The following SVIL variants were observed in gnomAD, a reference collection of about 807,000 sequenced individuals.
SVIL encodes the protein supervillin.
Under a neutral mutation model 240.4 loss-of-function variants are expected in SVIL, and 101 were observed. That is an observed-to-expected ratio of 0.42 (90% CI 0.36 to 0.50). The LOEUF (loss-of-function observed/expected upper bound fraction) is 0.50, where lower values mean the gene tolerates loss of function less well. SVIL is among the 20% of genes least tolerant of loss of function. SVIL has a pLI of 0.01. For missense variants in SVIL, 2,512 were observed against 2,818.7 expected (o/e 0.89, Z 2.46); for synonymous variants, 999 against 1,100.0 (o/e 0.91, Z 1.82).
At chr10:29,529,130 C>T (rs1312217014) in intron 12 of SVIL, among the ~76,000 whole-genome samples, 4 of 122,368 alleles carry the variant, frequency 3.3e-5, no homozygotes, top group Non-Finnish European at 6.3e-5. Context: ...GAGCCGAGAT[C>T]ATGCCACTGC....
At chr10:29,659,622 G>A (rs1668515810) in intron 2 of SVIL, among the ~76,000 whole-genome samples, 1 of 152,132 alleles carries the variant, frequency 6.6e-6, no homozygotes, top group African/African-American at 2.4e-5. Context: ...AAATCATCTT[G>A]TGATGGGTGC....
At chr10:29,679,779 C>A (rs1044354075) in intron 2 of SVIL, among the ~76,000 whole-genome samples, 2 of 151,890 alleles carry the variant, frequency 1.3e-5, no homozygotes, top group Non-Finnish European at 2.9e-5. Flanking sequence ...GTCAGGGATC[C>A]AGTTCCACCT....
At position 29,532,776 on chromosome 10, in the gene SVIL, T is replaced by C; in HGVS notation, c.1591A>G (p.Thr531Ala). 6.2e-7 allele frequency: 1 copy of C among 1,614,096 alleles called. No homozygotes were observed. The highest frequency in any genetic ancestry group is 8.5e-7 in the Non-Finnish European group (1 of 1,180,018). The part of the protein sequence containing the change: ...SEPVSQDAKP[T>A]GHNREASKKR... ...TTCGAGGCTTCCCTGTTGTGACCAG[T>C]TGGTTTGGCGTCTTGGGACACAGGC... Residue 531 changes from threonine to alanine, a missense_variant, in exon 8 of 38, where the codon ACT becomes GCT. Coordinates refer to ENST00000355867, the MANE Select transcript of SVIL (RefSeq NM_021738.3).
chr10:29,601,593 G>A (rs1956814577), intron 1 of SVIL, among the ~76,000 whole-genome samples: 1 of 152,200 alleles, frequency 6.6e-6, no homozygotes, highest in Admixed American at 6.5e-5. Context: ...CTGATGCAGA[G>A]AGAAACAGGT....
intron 6 of SVIL, among the ~76,000 whole-genome samples, chr10:29,541,003 T>TTTGTA (rs1952108460): frequency 6.6e-6 from 1 of 152,180 alleles, no homozygotes; most frequent in South Asian, 2.1e-4. Context: ...AAAATTTACT[T>TTTGTA]CAGGGGCCCA....
At chr10:29,588,344 C>G (rs1032691820) in intron 1 of SVIL, among the ~76,000 whole-genome samples, 1 of 151,896 alleles carries the variant, frequency 6.6e-6, no homozygotes, top group Non-Finnish European at 1.5e-5. Context: ...TCTGACACTT[C>G]GTCCCTTCAC....
chr10:29,644,724 G>A (rs1156509455), intron 3 of SVIL, among the ~76,000 whole-genome samples: 1 of 152,204 alleles, frequency 6.6e-6, no homozygotes, highest in African/African-American at 2.4e-5. Flanking sequence ...ACTATGTGTT[G>A]TATCTTACAA....
chr10:29,630,325 C>G (rs1958036575), intron 1 of SVIL, among the ~76,000 whole-genome samples: 1 of 152,160 alleles, frequency 6.6e-6, no homozygotes, highest in Non-Finnish European at 1.5e-5. Context: ...ACACAAAAAC[C>G]AGTTAGACAT....
rs911748863 is a variant in SVIL at position 29,512,594 on chromosome 10, C to T, written c.3516+141G>A. The T allele has an allele frequency of 1.4e-5, 20 of 1,411,506 alleles. No individual in the cohort carries two copies. In the African/African-American group the frequency reaches 2.8e-4, roughly 20 times the overall value. 87.4% of individuals were successfully genotyped at this position (1,411,506 alleles called of 1,614,324 possible). ...CTGCCCAATTTTAGCTGCTCTGTGA[C>T]AGACTCTCAGTGTGTACCCTAAGGG... On this transcript the variant is annotated intron_variant, in intron 17 of 37. Coordinates refer to ENST00000355867, the MANE Select transcript of SVIL (RefSeq NM_021738.3).
chr10:29,606,417 C>T (rs1475818212), intron 1 of SVIL, among the ~76,000 whole-genome samples: 1 of 152,146 alleles, frequency 6.6e-6, no homozygotes, highest in African/African-American at 2.4e-5. Flanking sequence ...GGCATATACC[C>T]CCACCTAAAT....
At chr10:29,585,875 G>A (rs1479015710) in intron 1 of SVIL, among the ~76,000 whole-genome samples, 10 of 152,272 alleles carry the variant, frequency 6.6e-5, no homozygotes, top group Admixed American at 2.6e-4. Context: ...AAGCCGCTTA[G>A]ACAAGGGATG....
At position 29,491,024 on chromosome 10, in the gene SVIL, G is replaced by A. The variant is rs540949405; in HGVS notation, c.4020-5C>T. 17 of 1,612,824 alleles carry A rather than the reference G, an allele frequency of 1.1e-5. No homozygotes were observed. The Admixed American group carries it at 2.0e-4, about 19-fold the overall frequency. On this transcript the variant is annotated splice_polypyrimidine_tract_variant and splice_region_variant and intron_variant, in intron 21 of 37. Coordinates refer to ENST00000355867, the MANE Select transcript of SVIL (RefSeq NM_021738.3). The stretch of plus-strand genomic sequence containing the variant: ...TCGGCCACGGAAGACGTCAATCTGC[G>A]GATGGAAGCAGAGCCGCGGTCCCAG...
rs1284051077 is a variant in SVIL, at chr10:29,493,097, G to A, written c.4019+117C>T. ...CTGGCTCTAGAATACTAACGCCGCC[G>A]TGATGGAGTTAGAAGGAGAAGGAGG... On this transcript the variant is annotated intron_variant, in intron 21 of 37. Coordinates refer to ENST00000355867, the MANE Select transcript of SVIL (RefSeq NM_021738.3). 11 of 1,239,276 alleles carry A rather than the reference G, an allele frequency of 8.9e-6. No individual in the cohort carries two copies. The African/African-American group carries it at 1.4e-4, about 15-fold the overall frequency. 76.8% of individuals were successfully genotyped at this position (1,239,276 alleles called of 1,614,324 possible).
At chr10:29,515,925 C>T (rs963944806) in intron 16 of SVIL, among the ~76,000 whole-genome samples, 1 of 152,096 alleles carries the variant, frequency 6.6e-6, no homozygotes, top group Non-Finnish European at 1.5e-5. Context: ...ATCTGCACGG[C>T]GACCCCTAAG....
chr10:29,471,602 A>G (rs1244528357), intron 30 of SVIL, among the ~76,000 whole-genome samples: 1 of 152,268 alleles, frequency 6.6e-6, no homozygotes, highest in African/African-American at 2.4e-5. Flanking sequence ...ATATAAATAC[A>G]TTCTTAACAA....
intron 3 of SVIL, among the ~76,000 whole-genome samples, chr10:29,648,534 C>A (rs921197749): frequency 6.6e-6 from 1 of 152,198 alleles, no homozygotes; most frequent in African/African-American, 2.4e-5. Context: ...CTTGCCCGAC[C>A]CTCATCATGA....
intron 6 of SVIL, among the ~76,000 whole-genome samples, chr10:29,545,273 G>T (rs1465395054): frequency 6.6e-6 from 1 of 152,112 alleles, no homozygotes; most frequent in East Asian, 1.9e-4. Context: ...AGGCTGCACC[G>T]TGTCAAGTTG....
intron 13 of SVIL, 144 bp downstream of exon 13, chr10:29,526,817 C>G (rs1950953036): frequency 4.4e-6 from 3 of 674,802 alleles, no homozygotes; most frequent in Non-Finnish European, 7.0e-6. Flanking sequence ...TGTGCTATGA[C>G]AAAACAAAAT....
In SVIL at chr10:29,471,218, G is replaced by A; in HGVS notation, c.5555C>T (p.Pro1852Leu). The A allele has an allele frequency of 6.2e-7, 1 of 1,612,878 alleles. No homozygotes were observed. Among genetic ancestry groups the A allele is most frequent in the Non-Finnish European group, 8.5e-7 (1 of 1,179,132 alleles). Residue 1852 changes from proline (P) to leucine (L), a missense_variant, in exon 31 of 38, where the codon CCC (proline) becomes CTC (leucine). Physicochemically the swap from Pro to Leu is moderately conservative, Grantham distance 98. Around this residue, in one of 3 missense-constraint regions of SVIL, gnomAD observed 797 missense variants for 925.3 expected, o/e 0.86. Transcript: ENST00000355867. ...CTGGAAACACTGCAGGAAACAGGGG[G>A]GCTCCTTTCCCTGGAGAACCTGGAC... ...AQVQVLQGKEPPCFLQCFQGG... is the reference protein window; with the variant it reads ...AQVQVLQGKELPCFLQCFQGG...
Sources: gnomAD v4.1 joint callset for allele counts (sites outside exome capture counted in the v4.1 genomes callset) on GRCh38, gnomAD v4.1.1 for gene constraint, gnomAD v4.1.1 regional missense constraint, MANE v1.5 for transcripts, NCBI Gene and HGNC (gene_info 2026-07-23, HGNC 2026-07-21) for gene names.